C4BPA: variants seen among roughly 807,000 people sequenced by gnomAD.
C4BPA encodes complement component 4 binding protein alpha.
In C4BPA, 31 loss-of-function variants were observed where a neutral mutation model predicts 63.7. That is an observed-to-expected ratio of 0.49 (90% confidence interval 0.37 to 0.66). C4BPA has a LOEUF of 0.66. Among genes scored for constraint, C4BPA ranks in the 30% least tolerant of loss-of-function variants. C4BPA has a pLI of 0.00. For missense variants in C4BPA, 572 were observed against 723.3 expected (o/e 0.79, Z 2.40); for synonymous variants, 259 against 254.7 (o/e 1.02, Z -0.16).
chr1:207,110,521 G>A (rs1228463630), intron 1 of C4BPA, among the ~76,000 whole-genome samples: 1 of 152,192 alleles, frequency 6.6e-6, no homozygotes, highest in Non-Finnish European at 1.5e-5. Context: ...CAGGCATGGT[G>A]GCTTATGCCT....
chr1:207,134,677 T>C, intron 9 of C4BPA, 85 bp downstream of exon 9: 1 of 971,952 alleles, frequency 1.0e-6, no homozygotes, highest in Non-Finnish European at 1.5e-6. Flanking sequence ...TAAAATTAGG[T>C]AAAAAAATTC....
intron 8 of C4BPA, 85 bp downstream of exon 8, chr1:207,131,825 C>T (rs1027279604): frequency 2.4e-5 from 22 of 898,136 alleles, no homozygotes; most frequent in Non-Finnish European, 3.7e-5. Context: ...ATAATTTTAT[C>T]CCTCACAACA....
At position 207,115,473 on chromosome 1, in the gene C4BPA, A is replaced by G. The variant is rs1194978732; in HGVS notation, c.386A>G (p.Asp129Gly). 1 of 1,598,128 alleles carries G rather than the reference A, an allele frequency of 6.3e-7. No homozygotes were observed. Reference sequence around the variant, plus strand: ...AATGGGCAAGTAGAGATTAAGACAGATTTATCTTTTGGATCACAAATAGAA... The same window carrying G: ...AATGGGCAAGTAGAGATTAAGACAGGTTTATCTTTTGGATCACAAATAGAA... ...LRNGQVEIKT[D>G]LSFGSQIEFS... Residue 129 changes from aspartate to glycine, a missense_variant, in exon 4 of 12, where the codon GAT (aspartate) becomes GGT (glycine). Asp to Gly is a moderately conservative substitution (Grantham distance 94). Around this residue, in one of 2 missense-constraint regions of C4BPA, gnomAD observed 465 missense variants for 629.4 expected, o/e 0.74. Coordinates refer to ENST00000367070, the MANE Select transcript of C4BPA (RefSeq NM_000715.4).
At chr1:207,127,556 A>C (rs1463066071) in intron 7 of C4BPA, 1 of 152,222 alleles carries the variant, frequency 6.6e-6, no homozygotes, top group Non-Finnish European at 1.5e-5. Context: ...GAAGCCACTG[A>C]TGCCTTGTGC....
intron 1 of C4BPA, among the ~76,000 whole-genome samples, chr1:207,105,544 T>G (rs1572770141): frequency 4.6e-5 from 5 of 109,418 alleles, no homozygotes; most frequent in African/African-American, 3.8e-5. Context: ...GCAACAAGAG[T>G]GAAACTCCAC....
At chr1:207,142,894 T>G (rs1037241961) in intron 10 of C4BPA, among the ~76,000 whole-genome samples, 1 of 152,074 alleles carries the variant, frequency 6.6e-6, no homozygotes, top group African/African-American at 2.4e-5. Flanking sequence ...GGTGGGAGTG[T>G]AAATTAGTTC....
Position 207,134,525 on chromosome 1 carries a change from C to T in C4BPA, c.1206C>T (p.Thr402=), listed in dbSNP as rs1685236975. 1.9e-6 allele frequency: 3 copies of T among 1,613,820 alleles called. No homozygotes were observed. Among genetic ancestry groups the T allele is most frequent in the Non-Finnish European group, 2.5e-6 (3 of 1,179,764 alleles). The change falls in exon 9 of 12, where the codon ACC becomes ACT. Residue 402 remains threonine, a synonymous_variant. Coordinates refer to ENST00000367070, the MANE Select transcript of C4BPA (RefSeq NM_000715.4). ...AGATTTCATTTTCATGTCATGAGAC[C>T]AGTAGGTTTTCAGCTATATGCCAAG... ...GDEISFSCHE[T]SRFSAICQGD... is the part of the protein sequence containing the mutation.
chr1:207,113,116 C>T lies in C4BPA; in HGVS notation c.91C>T (p.Pro31Ser), dbSNP rs1298317036. Reference sequence around the variant, plus strand: ...CTCCAGGCTGTGGAAAGTCTCTGATCCAATTCTCTTCCAAATGACCTTGAT... The same window carrying T: ...CTCCAGGCTGTGGAAAGTCTCTGATTCAATTCTCTTCCAAATGACCTTGAT... ...PFSRLWKVSD[P>S]ILFQMTLIAA... The change falls in exon 2 of 12, where the codon CCA becomes TCA. Residue 31 changes from proline to serine, a missense_variant. Around this residue, in one of 2 missense-constraint regions of C4BPA, gnomAD observed 107 missense variants for 93.9 expected, o/e 1.14. Transcript: ENST00000367070. 3.1e-6 allele frequency: 5 copies of T among 1,611,192 alleles called. No homozygotes were observed. The highest frequency in any genetic ancestry group is 4.2e-6 in the Non-Finnish European group (5 of 1,178,874).
intron 8 of C4BPA, among the ~76,000 whole-genome samples, chr1:207,132,002 T>C (rs1212209739): frequency 6.6e-6 from 1 of 152,252 alleles, no homozygotes; most frequent in Non-Finnish European, 1.5e-5. Context: ...GATTATGTAT[T>C]AGTTTTCTTA....
At chr1:207,109,011 G>A (rs1012059027) in intron 1 of C4BPA, among the ~76,000 whole-genome samples, 2 of 152,104 alleles carry the variant, frequency 1.3e-5, no homozygotes, top group Admixed American at 6.5e-5. Context: ...GTGAGCTACC[G>A]CGTCTGACCT....
intron 8 of C4BPA, among the ~76,000 whole-genome samples, chr1:207,133,003 T>A (rs1022376385): frequency 3.9e-5 from 6 of 152,212 alleles, no homozygotes; most frequent in African/African-American, 1.4e-4. Context: ...CCAGCCTGGA[T>A]GACAGAGCAG....
At chr1:207,130,635 C>G (rs1685139287) in intron 7 of C4BPA, among the ~76,000 whole-genome samples, 1 of 152,082 alleles carries the variant, frequency 6.6e-6, no homozygotes, top group Admixed American at 6.6e-5. Context: ...ATAAAAAGTA[C>G]TAATGTATGC....
At chr1:207,142,706 A>G (rs1297503805) in intron 10 of C4BPA, among the ~76,000 whole-genome samples, 1 of 152,220 alleles carries the variant, frequency 6.6e-6, no homozygotes, top group Admixed American at 6.5e-5. Context: ...TGTTGGCTGC[A>G]TAAATGTCTG....
chr1:207,108,799 T>C (rs184077993), intron 1 of C4BPA, among the ~76,000 whole-genome samples: 3 of 152,106 alleles, frequency 2.0e-5, no homozygotes, highest in Admixed American at 6.5e-5. Flanking sequence ...CTCGGATCAC[T>C]GTAACCTTTG....
At chr1:207,109,881 C>T (rs1245061755) in intron 1 of C4BPA, among the ~76,000 whole-genome samples, 1 of 152,184 alleles carries the variant, frequency 6.6e-6, no homozygotes, top group Non-Finnish European at 1.5e-5. Context: ...AGGTGTTTGC[C>T]TTGCTTTAAA....
chr1:207,144,017 T>C (rs1348505203), intron 11 of C4BPA, 24 bp downstream of exon 11: 1 of 1,534,378 alleles, frequency 6.5e-7, no homozygotes, highest in Admixed American at 2.1e-5. Context: ...TTCAAGGAAG[T>C]TCTGTGCTGT....
intron 10 of C4BPA, among the ~76,000 whole-genome samples, chr1:207,143,551 C>T (rs916775044): frequency 6.6e-6 from 1 of 152,124 alleles, no homozygotes; most frequent in Non-Finnish European, 1.5e-5. Context: ...CTTAATGTAT[C>T]TCAGCTGTCT....
intron 1 of C4BPA, among the ~76,000 whole-genome samples, chr1:207,106,521 G>C (rs1572771055): frequency 6.7e-6 from 1 of 148,192 alleles, no homozygotes; most frequent in East Asian, 2.0e-4. Flanking sequence ...CTCACTGCAA[G>C]CTCCGTCTCC....
chr1:207,135,868 C>A (rs1685270411), intron 9 of C4BPA, among the ~76,000 whole-genome samples: 1 of 152,162 alleles, frequency 6.6e-6, no homozygotes, highest in African/African-American at 2.4e-5. Flanking sequence ...TGAGCATGGT[C>A]CCAACAACAC....
Sources: gnomAD v4.1 joint callset for allele counts (sites outside exome capture counted in the v4.1 genomes callset) on GRCh38, gnomAD v4.1.1 for gene constraint, gnomAD v4.1.1 regional missense constraint, MANE v1.5 for transcripts, NCBI Gene and HGNC (gene_info 2026-07-23, HGNC 2026-07-21) for gene names.